Variants in PLD5 observed in about 807,000 individuals in gnomAD.
The protein encoded by PLD5 is inactive phospholipase D5.
PLD5 carries 36 observed loss-of-function variants against 61.1 expected under a neutral mutation model. That is an observed-to-expected ratio of 0.59 (90% CI 0.45 to 0.78). The LOEUF is 0.78. PLD5 is among the 30% of genes least tolerant of loss of function. PLD5 has a pLI of 0.00. For missense variants in PLD5, 515 were observed against 644.4 expected (o/e 0.80, Z 2.17); for synonymous variants, 243 against 242.8 (o/e 1.00, Z -0.01).
intron 1 of PLD5, among the ~76,000 whole-genome samples, chr1:242,432,715 G>A (rs1847380): frequency 0.27 from 40,989 of 151,988 alleles, 6,322 homozygotes; most frequent in Non-Finnish European, 0.34. Context: ...AGGCACCATC[G>A]CCACCCTCTT....
intron 5 of PLD5, among the ~76,000 whole-genome samples, chr1:242,174,359 A>T (rs1277470672): frequency 6.6e-6 from 1 of 152,228 alleles, no homozygotes; most frequent in African/African-American, 2.4e-5. Context: ...ATACCACCTC[A>T]CACCAGTTAG....
At chr1:242,178,536 G>A (rs1261213070) in intron 5 of PLD5, among the ~76,000 whole-genome samples, 1 of 152,124 alleles carries the variant, frequency 6.6e-6, no homozygotes, top group Non-Finnish European at 1.5e-5. Flanking sequence ...GACTTTCCCA[G>A]GCTATTTTCA....
chr1:242,262,600 G>T (rs1673436256), intron 4 of PLD5, among the ~76,000 whole-genome samples: 1 of 152,150 alleles, frequency 6.6e-6, no homozygotes, highest in South Asian at 2.1e-4. Flanking sequence ...AGTATTAAGA[G>T]ACCTGAAATA....
intron 1 of PLD5, among the ~76,000 whole-genome samples, chr1:242,361,421 A>G (rs1661058625): frequency 6.6e-6 from 1 of 152,168 alleles, no homozygotes. Context: ...ACTTCAGGGA[A>G]CCAAGAGACA....
In PLD5 at chr1:242,301,553, A is replaced by G. The variant is rs1337472384; in HGVS notation, c.327-13023T>C. ...GGAAGGACAATGTTCAACACCAGAG[A>G]CAACTTTAGACCCTTATCAGCCTGG... On this transcript the variant is annotated intron_variant, in intron 2 of 9. Coordinates refer to ENST00000536534, the MANE Select transcript of PLD5 (RefSeq NM_001372062.1). 2.0e-5 allele frequency among the ~76,000 whole-genome samples: 3 copies of G among 152,106 alleles called. No homozygotes were observed. In the East Asian group the frequency reaches 5.8e-4, roughly 29 times the overall value.
intron 5 of PLD5, among the ~76,000 whole-genome samples, chr1:242,181,951 CT>C (rs1409373676): frequency 6.6e-6 from 1 of 152,156 alleles, no homozygotes; most frequent in Admixed American, 6.5e-5. Flanking sequence ...TTCAGTGGTC[CT>C]TCACTGTAGA....
At chr1:242,416,055 CTT>C (rs1664818655) in intron 1 of PLD5, among the ~76,000 whole-genome samples, 1 of 151,712 alleles carries the variant, frequency 6.6e-6, no homozygotes, top group Non-Finnish European at 1.5e-5. Context: ...TGTTGAAACT[CTT>C]AAACTTTCAG....
intron 1 of PLD5, among the ~76,000 whole-genome samples, chr1:242,363,749 T>C (rs1320632781): frequency 6.6e-6 from 1 of 152,150 alleles, no homozygotes; most frequent in African/African-American, 2.4e-5. Context: ...CTATATTCTA[T>C]ATGTTTGAGA....
At chr1:242,447,895 C>T (rs1002335840) in intron 1 of PLD5, among the ~76,000 whole-genome samples, 1 of 152,166 alleles carries the variant, frequency 6.6e-6, no homozygotes, top group African/African-American at 2.4e-5. Context: ...TGCATTTCAG[C>T]CCGGTCCTTT....
chr1:242,378,658 C>G (rs187853441), intron 1 of PLD5, among the ~76,000 whole-genome samples: 20 of 151,868 alleles, frequency 1.3e-4, no homozygotes, highest in African/African-American at 4.8e-4. Flanking sequence ...CTGGCCAGCA[C>G]GACAAAACCC....
intron 8 of PLD5, among the ~76,000 whole-genome samples, chr1:242,101,577 T>C (rs527778237): frequency 6.6e-6 from 1 of 152,332 alleles, no homozygotes; most frequent in African/African-American, 2.4e-5. Flanking sequence ...GTATCCCCTA[T>C]ATGGGAAAAT....
chr1:242,201,738 C>T (rs1413724205), intron 5 of PLD5, among the ~76,000 whole-genome samples: 1 of 152,056 alleles, frequency 6.6e-6, no homozygotes, highest in African/African-American at 2.4e-5. Flanking sequence ...CAAGTTTTGC[C>T]AATTAGAATT....
At chr1:242,306,868 A>T (rs1409642117) in intron 2 of PLD5, among the ~76,000 whole-genome samples, 1 of 152,260 alleles carries the variant, frequency 6.6e-6, no homozygotes, top group African/African-American at 2.4e-5. Flanking sequence ...AACCCATTCC[A>T]TGAAACACAT....
chr1:242,297,056 T>G (rs566351105), intron 2 of PLD5, among the ~76,000 whole-genome samples: 1 of 151,498 alleles, frequency 6.6e-6, no homozygotes, highest in Non-Finnish European at 1.5e-5. Context: ...AAAGAAAAAC[T>G]TCCCCCTGGC....
chr1:242,450,499 G>A (rs1191042787), intron 1 of PLD5, among the ~76,000 whole-genome samples: 1 of 152,154 alleles, frequency 6.6e-6, no homozygotes, highest in Non-Finnish European at 1.5e-5. Flanking sequence ...TTCCAGGCTT[G>A]GGTTGGGTTC....
intron 6 of PLD5, among the ~76,000 whole-genome samples, chr1:242,121,288 GTC>G (rs1662342004): frequency 6.6e-6 from 1 of 152,128 alleles, no homozygotes. Flanking sequence ...GATCTTCAGA[GTC>G]TAATAAAATG....
At chr1:242,105,987 C>T (rs1021145102) in intron 8 of PLD5, among the ~76,000 whole-genome samples, 17 of 152,210 alleles carry the variant, frequency 1.1e-4, no homozygotes, top group African/African-American at 3.6e-4. Context: ...CCAACCAGCT[C>T]ATGCTAGGAC....
At chr1:242,283,290 C>G (rs771815101) in intron 3 of PLD5, among the ~76,000 whole-genome samples, 5 of 152,182 alleles carry the variant, frequency 3.3e-5, no homozygotes, top group Admixed American at 6.5e-5. Context: ...CACACTCACT[C>G]TAACAAAATT....
chr1:242,246,794 A>G (rs1309809717), intron 4 of PLD5, among the ~76,000 whole-genome samples: 1 of 152,224 alleles, frequency 6.6e-6, no homozygotes, highest in Non-Finnish European at 1.5e-5. Context: ...CACAGTCTCA[A>G]GACGTCCTGA....
Sources: gnomAD v4.1 joint callset for allele counts (sites outside exome capture counted in the v4.1 genomes callset) on GRCh38, gnomAD v4.1.1 for gene constraint, MANE v1.5 for transcripts, NCBI Gene and HGNC (gene_info 2026-07-23, HGNC 2026-07-21) for gene names.